BNC2: variants seen among roughly 807,000 people sequenced by gnomAD.
The protein encoded by BNC2 is zinc finger protein basonuclin-2.
BNC2 carries 20 observed loss-of-function variants against 76.3 expected under a neutral mutation model. The observed-to-expected ratio is 0.26, with a 90% CI of 0.18 to 0.38. BNC2 has a LOEUF of 0.38. Ranked by LOEUF, BNC2 falls within the 10% of genes least tolerant of loss-of-function variation. BNC2 has a pLI of 1.00. For synonymous variants in BNC2, 582 were observed against 514.8 expected, an observed-to-expected ratio of 1.13 and a Z score of -1.77; for missense variants, 1,382 against 1,399.8, an observed-to-expected ratio of 0.99 and a Z score of 0.20.
intron 5 of BNC2, among the ~76,000 whole-genome samples, chr9:16,512,905 G>A (rs1039297173): frequency 2.6e-5 from 4 of 151,888 alleles, no homozygotes; most frequent in African/African-American, 9.7e-5. Context: ...GGAGGCTGAG[G>A]GGGGAAGATC....
intron 5 of BNC2, among the ~76,000 whole-genome samples, chr9:16,502,569 T>C (rs1822543767): frequency 6.6e-6 from 1 of 152,118 alleles, no homozygotes; most frequent in Admixed American, 6.5e-5. Flanking sequence ...CTCTTACTTC[T>C]TCTTGGGGTG....
At chr9:16,666,354 C>T (rs1370475522) in intron 3 of BNC2, among the ~76,000 whole-genome samples, 1 of 152,160 alleles carries the variant, frequency 6.6e-6, no homozygotes, top group Non-Finnish European at 1.5e-5. Context: ...AATGTTCTCT[C>T]CTATAACTCT....
rs1317600547 is a variant in BNC2, at chr9:16,436,351, C to T, written c.1843G>A (p.Ala615Thr). ...PPPPSEPVVPAVMMATHEPSA... is the reference protein window; with the variant it reads ...PPPPSEPVVPTVMMATHEPSA... ...GGCTCATGGGTGGCCATCATCACTG[C>T]TGGCACTACTGGCTCAGAGGGTGGC... The change falls in exon 6 of 7, where the codon GCA (alanine) becomes ACA (threonine). Residue 615 changes from alanine (A) to threonine (T), a missense_variant. Coordinates refer to ENST00000380672, the MANE Select transcript of BNC2 (RefSeq NM_017637.6). 6.2e-7 allele frequency: 1 copy of T among 1,614,136 alleles called. No homozygotes were observed. The highest frequency in any genetic ancestry group is 8.5e-7 in the Non-Finnish European group (1 of 1,180,038).
At chr9:16,424,498 C>G (rs1304481607) in intron 6 of BNC2, among the ~76,000 whole-genome samples, 1 of 152,156 alleles carries the variant, frequency 6.6e-6, no homozygotes, top group East Asian at 1.9e-4. Context: ...TATTTTCCAG[C>G]TCAACTCTGC....
At chr9:16,655,608 G>C (rs532160630) in intron 3 of BNC2, among the ~76,000 whole-genome samples, 2 of 152,218 alleles carry the variant, frequency 1.3e-5, no homozygotes, top group East Asian at 1.9e-4. Context: ...TTAAATGAAT[G>C]AATCAGACTT....
chr9:16,460,093 TAAC>T (rs1434847657), intron 5 of BNC2, among the ~76,000 whole-genome samples: 3 of 152,158 alleles, frequency 2.0e-5, no homozygotes, highest in African/African-American at 4.8e-5. Flanking sequence ...TTAAAGTTGA[TAAC>T]AATTATCAAA....
At chr9:16,676,802 A>G (rs1229736663) in intron 3 of BNC2, among the ~76,000 whole-genome samples, 1 of 152,238 alleles carries the variant, frequency 6.6e-6, no homozygotes, top group African/African-American at 2.4e-5. Context: ...GAGGAGAAAA[A>G]AAAAGCAAGT....
intron 5 of BNC2, among the ~76,000 whole-genome samples, chr9:16,439,349 T>C (rs952612880): frequency 6.6e-6 from 1 of 152,136 alleles, no homozygotes; most frequent in Non-Finnish European, 1.5e-5. Flanking sequence ...CTCTTCAAAG[T>C]GTAAAGTTCA....
intron 5 of BNC2, among the ~76,000 whole-genome samples, chr9:16,533,065 T>G (rs1280745905): frequency 6.6e-6 from 1 of 152,200 alleles, no homozygotes; most frequent in Non-Finnish European, 1.5e-5. Context: ...TCATTTAAAC[T>G]TTATAATCCC....
intron 1 of BNC2, among the ~76,000 whole-genome samples, chr9:16,866,662 T>TA (rs1563977817): frequency 0.011 from 1,430 of 131,184 alleles, 5 homozygotes; most frequent in Middle Eastern, 0.032. Flanking sequence ...TCTGTCACTT[T>TA]TAAAAAAAAA....
intron 3 of BNC2, among the ~76,000 whole-genome samples, chr9:16,652,357 T>TA (rs1821816804): frequency 6.6e-6 from 1 of 152,220 alleles, no homozygotes; most frequent in Non-Finnish European, 1.5e-5. Flanking sequence ...TGTTTTTTTT[T>TA]AACCATTGGG....
intron 3 of BNC2, among the ~76,000 whole-genome samples, chr9:16,694,299 G>A (rs543575340): frequency 5.3e-5 from 8 of 152,088 alleles, no homozygotes; most frequent in Non-Finnish European, 1.0e-4. Flanking sequence ...GCAAATATTA[G>A]TTCCCAAAAA....
intron 1 of BNC2, among the ~76,000 whole-genome samples, chr9:16,746,961 C>CAAA (rs34521803): frequency 1.4e-5 from 2 of 138,692 alleles, no homozygotes; most frequent in Non-Finnish European, 1.5e-5. Flanking sequence ...GACTCCATCT[C>CAAA]AAAAAAAAAA....
At chr9:16,596,253 G>C (rs369881888) in intron 3 of BNC2, among the ~76,000 whole-genome samples, 1 of 152,106 alleles carries the variant, frequency 6.6e-6, no homozygotes, top group Admixed American at 6.6e-5. Context: ...GGGCAGGGGA[G>C]ATCAACCTAT....
At chr9:16,813,283 T>G (rs1036825434) in intron 1 of BNC2, among the ~76,000 whole-genome samples, 22 of 151,712 alleles carry the variant, frequency 1.5e-4, no homozygotes, top group African/African-American at 5.3e-4. Flanking sequence ...TTTTTTGTTT[T>G]GAGACGGAGT....
At chr9:16,482,830 G>T (rs1036306593) in intron 5 of BNC2, among the ~76,000 whole-genome samples, 7 of 152,148 alleles carry the variant, frequency 4.6e-5, no homozygotes, top group African/African-American at 1.7e-4. Flanking sequence ...AACAGCCACG[G>T]AGTCACTGAA....
chr9:16,584,256 A>G (rs1819708385), intron 3 of BNC2, among the ~76,000 whole-genome samples: 1 of 152,206 alleles, frequency 6.6e-6, no homozygotes, highest in Non-Finnish European at 1.5e-5. Flanking sequence ...ATGCTCACTC[A>G]CACAGCTCCA....
chr9:16,531,672 TAC>T (rs2132235217), intron 5 of BNC2, among the ~76,000 whole-genome samples: 2 of 152,316 alleles, frequency 1.3e-5, no homozygotes, highest in African/African-American at 4.8e-5. Flanking sequence ...TAACATTATT[TAC>T]AGTGTGATCT....
chr9:16,735,435 C>T (rs952889807), intron 2 of BNC2, among the ~76,000 whole-genome samples: 11 of 150,062 alleles, frequency 7.3e-5, no homozygotes, highest in African/African-American at 2.4e-4. Context: ...GGGGCGCACA[C>T]AACGGGAAAT....
Sources: allele counts gnomAD v4.1 joint callset (sites outside exome capture counted in the v4.1 genomes callset), GRCh38; gene constraint gnomAD v4.1.1; transcripts MANE v1.5; gene names NCBI Gene and HGNC (gene_info 2026-07-23, HGNC 2026-07-21).